LTBP1: variants seen among roughly 807,000 people sequenced by gnomAD.
LTBP1 encodes latent-transforming growth factor beta-binding protein 1.
A neutral mutation model predicts 207.6 loss-of-function variants in LTBP1; 129 were observed. The observed-to-expected ratio is 0.62, with a 90% CI of 0.54 to 0.72. The LOEUF is 0.72. LTBP1 is among the 30% of genes least tolerant of loss of function. LTBP1 has a pLI of 0.00. For synonymous variants in LTBP1, 963 were observed against 833.7 expected, an observed-to-expected ratio of 1.16 and a Z score of -2.67; for missense variants, 2,281 against 2,217.2, an observed-to-expected ratio of 1.03 and a Z score of -0.58.
intron 4 of LTBP1, among the ~76,000 whole-genome samples, chr2:33,130,569 C>T (rs1032128495): frequency 2.6e-5 from 4 of 152,124 alleles, no homozygotes; most frequent in African/African-American, 7.2e-5. Context: ...TTAACAACCC[C>T]GAAGCAGAAA....
chr2:33,136,869 G>A (rs998824032), intron 5 of LTBP1, among the ~76,000 whole-genome samples: 9 of 152,144 alleles, frequency 5.9e-5, no homozygotes, highest in Admixed American at 4.6e-4. Flanking sequence ...ATTTACAAAA[G>A]CATTTCAAAA....
intron 9 of LTBP1, among the ~76,000 whole-genome samples, chr2:33,242,922 AATCCAAATGCAGCCT>A (rs1447558622): frequency 1.3e-5 from 2 of 152,142 alleles, no homozygotes; most frequent in African/African-American, 4.8e-5. Context: ...AATGAAACTG[AATCCAAATGCAGCCT>A]GAATTGTACC....
intron 4 of LTBP1, among the ~76,000 whole-genome samples, chr2:33,133,109 G>A (rs1039799264): frequency 1.3e-5 from 2 of 152,202 alleles, no homozygotes; most frequent in African/African-American, 4.8e-5. Context: ...CAGTGGATGA[G>A]AGATGGTTGC....
rs58303103 is a variant in LTBP1, at chr2:33,149,228, CAAAA to C, written c.1201+14292_1201+14295del. On this transcript the variant is annotated intron_variant, in intron 5 of 33. Coordinates refer to ENST00000404816, the MANE Select transcript of LTBP1 (RefSeq NM_206943.4). ...AGACTCCGTCTCACTCACAAAAAAACAAAAAAAAAAAAAAAAAAAAAAAAAAAGA... is the reference window on the plus strand; with the variant it reads ...AGACTCCGTCTCACTCACAAAAAAACAAAAAAAAAAAAAAAAAAAAAAAGA... Among the ~76,000 whole-genome samples, 4 of 82,814 alleles carry C rather than the reference CAAAA, an allele frequency of 4.8e-5. 1 individual carries two copies. Among genetic ancestry groups the C allele is most frequent in the African/African-American group, 9.4e-5 (2 of 21,186 alleles). 54.3% of individuals were successfully genotyped at this position (82,814 alleles called of 152,430 possible).
At chr2:33,283,789 A>G (rs1382145952) in intron 19 of LTBP1, among the ~76,000 whole-genome samples, 2 of 152,086 alleles carry the variant, frequency 1.3e-5, no homozygotes, top group Non-Finnish European at 2.9e-5. Context: ...TACATTTGTC[A>G]TTTGTTAGTT....
At chr2:33,326,593 C>T (rs2094430272) in intron 24 of LTBP1, among the ~76,000 whole-genome samples, 1 of 150,818 alleles carries the variant, frequency 6.6e-6, no homozygotes, top group Admixed American at 6.6e-5. Context: ...TACATTTACC[C>T]TGCTTTTTTG....
At chr2:33,326,247 G>A (rs149316666) in intron 24 of LTBP1, among the ~76,000 whole-genome samples, 2 of 152,172 alleles carry the variant, frequency 1.3e-5, no homozygotes, top group Non-Finnish European at 2.9e-5. Flanking sequence ...GCTTTCTCAC[G>A]CAGCACCTCT....
chr2:33,010,802 C>T (rs901692022), intron 2 of LTBP1, among the ~76,000 whole-genome samples: 2 of 151,024 alleles, frequency 1.3e-5, no homozygotes, highest in Non-Finnish European at 2.9e-5. Flanking sequence ...TCACTGCAAC[C>T]TCTGCCTCCT....
chr2:33,059,123 A>G (rs1360823569), intron 3 of LTBP1, among the ~76,000 whole-genome samples: 3 of 152,230 alleles, frequency 2.0e-5, no homozygotes, highest in Non-Finnish European at 4.4e-5. Flanking sequence ...GCAATGCAAC[A>G]TTTAAGAAGT....
intron 2 of LTBP1, among the ~76,000 whole-genome samples, chr2:33,012,983 A>T (rs1687879485): frequency 6.6e-6 from 1 of 152,206 alleles, no homozygotes; most frequent in African/African-American, 2.4e-5. Flanking sequence ...AGCTGGTAGT[A>T]TCACTTTATA....
intron 26 of LTBP1, among the ~76,000 whole-genome samples, chr2:33,359,492 G>A (rs1337295527): frequency 1.3e-5 from 2 of 152,158 alleles, no homozygotes; most frequent in Non-Finnish European, 2.9e-5. Context: ...AAAGGTAAGT[G>A]TAAGTATGTG....
intron 31 of LTBP1, among the ~76,000 whole-genome samples, chr2:33,387,321 C>G (rs1386157100): frequency 6.6e-6 from 1 of 152,216 alleles, no homozygotes; most frequent in Admixed American, 6.5e-5. Context: ...CTTAATTCTG[C>G]GTTTTCAAAC....
At chr2:33,173,026 G>C (rs1194019616) in intron 5 of LTBP1, among the ~76,000 whole-genome samples, 1 of 152,122 alleles carries the variant, frequency 6.6e-6, no homozygotes, top group African/African-American at 2.4e-5. Flanking sequence ...GAAATTTATA[G>C]CACTAAATGT....
chr2:32,947,146 T>G lies in LTBP1; in HGVS notation c.-179T>G, dbSNP rs1676295455. On this transcript the variant is annotated 5_prime_UTR_variant, in exon 1 of 34. Coordinates refer to ENST00000404816, the MANE Select transcript of LTBP1 (RefSeq NM_206943.4). ...TGCTCCCAGCCACAATCGGCCGGGGTCTGGGGCCGCTCAGCTGCCCGCAGA... is the reference window on the plus strand; with the variant it reads ...TGCTCCCAGCCACAATCGGCCGGGGGCTGGGGCCGCTCAGCTGCCCGCAGA... 5.3e-6 allele frequency: 2 copies of G among 378,384 alleles called. No individual in the cohort carries two copies. The highest frequency in any genetic ancestry group is 4.8e-5 in the Admixed American group (1 of 20,966). The allele number at this position is 378,384 out of a possible 1,614,324, so 23.4% of individuals were successfully genotyped here. A position where few individuals can be genotyped will look rare whatever the true frequency, so the allele number is the denominator to read the frequency against.
chr2:33,074,584 T>A (rs2077973940), intron 3 of LTBP1, among the ~76,000 whole-genome samples: 1 of 151,856 alleles, frequency 6.6e-6, no homozygotes, highest in Non-Finnish European at 1.5e-5. Flanking sequence ...AATACAAAAA[T>A]TAGGGCTGGG....
intron 24 of LTBP1, among the ~76,000 whole-genome samples, chr2:33,323,792 C>A (rs1335231056): frequency 6.6e-6 from 1 of 152,120 alleles, no homozygotes; most frequent in Non-Finnish European, 1.5e-5. Flanking sequence ...TAAGATTACT[C>A]CAAACTGAAT....
At chr2:32,965,126 C>T (rs985265551) in intron 2 of LTBP1, among the ~76,000 whole-genome samples, 3 of 152,136 alleles carry the variant, frequency 2.0e-5, no homozygotes, top group African/African-American at 7.2e-5. Flanking sequence ...GACAAAGTTA[C>T]AGATTAAAGC....
intron 4 of LTBP1, among the ~76,000 whole-genome samples, chr2:33,131,286 C>G (rs948421984): frequency 6.6e-6 from 1 of 152,156 alleles, no homozygotes. Flanking sequence ...TGCGGGAGAG[C>G]TTGTGTCTAC....
intron 24 of LTBP1, among the ~76,000 whole-genome samples, chr2:33,338,392 G>C (rs1169785011): frequency 6.6e-6 from 1 of 152,192 alleles, no homozygotes; most frequent in Non-Finnish European, 1.5e-5. Context: ...AAAAAGGAAA[G>C]CAAGGATGTT....
Sources: gnomAD v4.1 joint callset for allele counts (sites outside exome capture counted in the v4.1 genomes callset) on GRCh38, gnomAD v4.1.1 for gene constraint, MANE v1.5 for transcripts, NCBI Gene and HGNC (gene_info 2026-07-23, HGNC 2026-07-21) for gene names.